The following CFAP44 variants were observed in gnomAD, a reference collection of about 807,000 sequenced individuals.
CFAP44 encodes the protein cilia and flagella associated protein 44.
In CFAP44, 134 loss-of-function variants were observed where a neutral mutation model predicts 216.2. The observed-to-expected ratio is 0.62, with a 90% CI of 0.54 to 0.72. The LOEUF is 0.72. CFAP44 is among the 30% of genes least tolerant of loss of function. The probability of loss-of-function intolerance (pLI) is 0.00; values close to 1 mark genes in which losing one functional copy is unlikely to be tolerated. For missense variants in CFAP44, 2,035 were observed against 2,182.1 expected, an observed-to-expected ratio of 0.93 and a Z score of 1.34; for synonymous variants, 700 against 727.6, an observed-to-expected ratio of 0.96 and a Z score of 0.61.
At chr3:113,306,080 A>G in intron 30 of CFAP44, 121 bp downstream of exon 30, 2 of 1,256,950 alleles carry the variant, frequency 1.6e-6, no homozygotes, top group Non-Finnish European at 2.1e-6. Flanking sequence ...CCTGCCCTTA[A>G]CATTTGAAAT....
chr3:113,396,407 A>C, intron 14 of CFAP44, 111 bp downstream of exon 14: 4 of 1,194,624 alleles, frequency 3.3e-6, no homozygotes, highest in Non-Finnish European at 4.6e-6. Context: ...AAATGTGAAT[A>C]TATTGATAGA....
At chr3:113,316,346 C>A (rs982259196) in intron 28 of CFAP44, among the ~76,000 whole-genome samples, 4 of 152,044 alleles carry the variant, frequency 2.6e-5, no homozygotes, top group Non-Finnish European at 5.9e-5. Context: ...AGAAAAATAT[C>A]ATCAATAATC....
chr3:113,317,180 A>G (rs1391637156), intron 28 of CFAP44, among the ~76,000 whole-genome samples: 1 of 152,226 alleles, frequency 6.6e-6, no homozygotes, highest in Non-Finnish European at 1.5e-5. Context: ...TCCTGGCTAT[A>G]GGGGACCCCA....
At chr3:113,419,246 C>T (rs1320703700) in intron 5 of CFAP44, among the ~76,000 whole-genome samples, 1 of 152,120 alleles carries the variant, frequency 6.6e-6, no homozygotes, top group Non-Finnish European at 1.5e-5. Flanking sequence ...GGGCCCATGG[C>T]TATCTGCACA....
In CFAP44 at chr3:113,291,766, C is replaced by T. The variant is rs1437234308; in HGVS notation, c.5374-18G>A. ...GCATTGCCCTGTTGAAAGAAAACAG[C>T]TCCCTGTTGAAGCATCATTTGGCAT... On this transcript the variant is annotated intron_variant, in intron 34 of 34. Transcript: ENST00000393845. The T allele has an allele frequency of 6.5e-7, 1 of 1,534,454 alleles. No individual in the cohort carries two copies. Among genetic ancestry groups the T allele is most frequent in the East Asian group, 2.4e-5 (1 of 40,912 alleles).
At chr3:113,395,533 G>A (rs1482502083) in intron 15 of CFAP44, among the ~76,000 whole-genome samples, 2 of 152,200 alleles carry the variant, frequency 1.3e-5, no homozygotes, top group Non-Finnish European at 2.9e-5. Flanking sequence ...GCCCACGGAA[G>A]AGAAAGGAGG....
intron 24 of CFAP44, among the ~76,000 whole-genome samples, chr3:113,335,163 A>AT (rs1950271588): frequency 6.6e-6 from 1 of 152,222 alleles, no homozygotes; most frequent in Non-Finnish European, 1.5e-5. Context: ...TCCTCATAAT[A>AT]TAAACAACCA....
In CFAP44 at chr3:113,296,747, G is replaced by A. The variant is rs758988568; in HGVS notation, c.5216C>T (p.Ala1739Val). Reference protein sequence around the residue: ...IRKLRKELANAKEMKMWEEKI... With the variant: ...IRKLRKELANVKEMKMWEEKI... The stretch of plus-strand genomic sequence containing the variant: ...TACCTCCCACATCTTCATCTCTTTC[G>A]CATTTGCTAGCTCCTTTCGAAGTTT... Residue 1739 changes from alanine to valine, a missense_variant, in exon 33 of 35, where the codon GCG (alanine) becomes GTG (valine). Coordinates refer to ENST00000393845, the MANE Select transcript of CFAP44 (RefSeq NM_001164496.2). The A allele has an allele frequency of 3.6e-5, 56 of 1,537,188 alleles. No homozygotes were observed. In the East Asian group the frequency reaches 5.4e-4, roughly 15 times the overall value.
Position 113,341,766 on chromosome 3 carries a change from G to A in CFAP44, c.3415C>T (p.Arg1139Ter), listed in dbSNP as rs1202462026. 10 of 1,475,792 alleles carry A rather than the reference G, an allele frequency of 6.8e-6. No homozygotes were observed. The highest frequency in any genetic ancestry group is 5.1e-5 in the East Asian group (2 of 38,924). 91.4% of individuals were successfully genotyped at this position (1,475,792 alleles called of 1,614,324 possible). The change falls in exon 24 of 35, where the codon CGA becomes TGA. Residue 1139 changes from arginine (R) to a stop codon, truncating the protein, a stop_gained. Transcript: ENST00000393845. LOFTEE classifies it high-confidence loss of function. ...CACAGTTCCTCCCATTCTTTTTTTCGCTGTTGAATCTTTAGTTGTGCCCTT... is the reference window on the plus strand; with the variant it reads ...CACAGTTCCTCCCATTCTTTTTTTCACTGTTGAATCTTTAGTTGTGCCCTT... Reference protein sequence around the residue: ...AERAQLKIQQRKKEWEELYKS... With the variant: ...AERAQLKIQQ
rs60866565 is a variant in CFAP44 at position 113,302,457 on chromosome 3, T to TAAAAAAAAAAAAAAAAAAAAAAAA, written c.5077+1458_5077+1459insTTTTTTTTTTTTTTTTTTTTTTTT. ...GTATCCAAAGATACACTAGACAAAG[T>TAAAAAAAAAAAAAAAAAAAAAAAA]AAAAAAAAAAAAAAAAAAAAAAAGA... On this transcript the variant is annotated intron_variant, in intron 32 of 34. Coordinates refer to ENST00000393845, the MANE Select transcript of CFAP44 (RefSeq NM_001164496.2). Among the ~76,000 whole-genome samples the TAAAAAAAAAAAAAAAAAAAAAAAA allele has an allele frequency of 2.5e-4, 19 of 75,790 alleles. 1 individual carries two copies. Among genetic ancestry groups the TAAAAAAAAAAAAAAAAAAAAAAAA allele is most frequent in the South Asian group, 4.6e-4 (1 of 2,172 alleles). The allele number at this position is 75,790 out of a possible 152,430, so 49.7% of individuals were successfully genotyped here. A position where few individuals can be genotyped will look rare whatever the true frequency, so the allele number is the denominator to read the frequency against.
rs1444029647 is a variant in CFAP44 at position 113,337,728 on chromosome 3, A to G, written c.3437+4016T>C. Among the ~76,000 whole-genome samples, 7 of 152,360 alleles carry G rather than the reference A, an allele frequency of 4.6e-5. No homozygotes were observed. In the South Asian group the frequency reaches 1.5e-3, roughly 32 times the overall value. ...GTCTTTTCAACAAAAATGCTAGAGTAATTGGACATCCGTAAGAAAAAAACA... is the reference window on the plus strand; with the variant it reads ...GTCTTTTCAACAAAAATGCTAGAGTGATTGGACATCCGTAAGAAAAAAACA... On this transcript the variant is annotated intron_variant, in intron 24 of 34. Coordinates refer to ENST00000393845, the MANE Select transcript of CFAP44 (RefSeq NM_001164496.2).
intron 15 of CFAP44, among the ~76,000 whole-genome samples, chr3:113,386,627 G>A (rs1424493212): frequency 6.6e-6 from 1 of 152,168 alleles, no homozygotes; most frequent in Non-Finnish European, 1.5e-5. Flanking sequence ...CTAGAATAGG[G>A]AGGAGGCAGA....
At chr3:113,336,507 C>G (rs1415995787) in intron 24 of CFAP44, among the ~76,000 whole-genome samples, 1 of 151,878 alleles carries the variant, frequency 6.6e-6, no homozygotes, top group Non-Finnish European at 1.5e-5. Flanking sequence ...TAAAAACTAA[C>G]TCAAGAAGAA....
intron 18 of CFAP44, among the ~76,000 whole-genome samples, chr3:113,367,471 C>A (rs1001011457): frequency 6.6e-6 from 1 of 152,234 alleles, no homozygotes; most frequent in African/African-American, 2.4e-5. Context: ...CAAACTCCAA[C>A]AGACCTGCAG....
At position 113,306,290 on chromosome 3, in the gene CFAP44, C is replaced by G. The variant is rs1392894472; in HGVS notation, c.4669G>C (p.Glu1557Gln). Residue 1557 changes from glutamate to glutamine, a missense_variant, in exon 30 of 35, where the codon GAG (glutamate) becomes CAG (glutamine). Around this residue, in one of 3 missense-constraint regions of CFAP44, gnomAD observed 1,883 missense variants for 2,023.7 expected, o/e 0.93. Transcript: ENST00000393845. ...ALFELALHLR[E>Q]KRLDIEEALV... ...GCCTCCTCAATGTCCAGCCTTTTCT[C>G]TCGAAGGTGAAGGGCCAGCTCAAAA... The G allele has an allele frequency of 6.5e-7, 1 of 1,536,640 alleles. No homozygotes were observed. Among genetic ancestry groups the G allele is most frequent in the Non-Finnish European group, 8.7e-7 (1 of 1,146,726 alleles).
At chr3:113,411,849 G>A (rs1320054073) in intron 6 of CFAP44, among the ~76,000 whole-genome samples, 1 of 152,022 alleles carries the variant, frequency 6.6e-6, no homozygotes, top group African/African-American at 2.4e-5. Context: ...CCTTGGAGAG[G>A]TCCTTCACAT....
chr3:113,307,286 T>G (rs954213071), intron 29 of CFAP44, among the ~76,000 whole-genome samples: 1 of 152,254 alleles, frequency 6.6e-6, no homozygotes, highest in African/African-American at 2.4e-5. Flanking sequence ...GGCATTTCTC[T>G]ATAAAATTAA....
intron 15 of CFAP44, among the ~76,000 whole-genome samples, chr3:113,387,766 C>T (rs1199542505): frequency 6.6e-6 from 1 of 152,042 alleles, no homozygotes; most frequent in Non-Finnish European, 1.5e-5. Flanking sequence ...AATTTCAAGC[C>T]TTAGCTCTTG....
intron 28 of CFAP44, among the ~76,000 whole-genome samples, chr3:113,310,370 C>A (rs1190750137): frequency 6.6e-6 from 1 of 152,192 alleles, no homozygotes; most frequent in East Asian, 1.9e-4. Context: ...GAGCTGGAAC[C>A]CACACCCATA....
Sources: allele counts gnomAD v4.1 joint callset (sites outside exome capture counted in the v4.1 genomes callset), GRCh38; gene constraint gnomAD v4.1.1; regional missense constraint gnomAD v4.1.1; transcripts MANE v1.5; gene names NCBI Gene and HGNC (gene_info 2026-07-23, HGNC 2026-07-21).